The following FSTL5 variants were observed in gnomAD, a reference collection of about 807,000 sequenced individuals.
FSTL5 encodes follistatin like 5.
Under a neutral mutation model 89.1 loss-of-function variants are expected in FSTL5, and 62 were observed. The ratio of observed to expected loss-of-function variants is 0.70; its 90% CI spans 0.57 to 0.86. The LOEUF is 0.86. Ranked by LOEUF, FSTL5 falls within the 40% of genes least tolerant of loss-of-function variation. The pLI is 0.00. For missense variants in FSTL5, 1,057 were observed against 1,001.6 expected (o/e 1.06, Z -0.75); for synonymous variants, 383 against 346.2 (o/e 1.11, Z -1.18).
At chr4:161,431,176 T>C (rs368888566) in intron 15 of FSTL5, among the ~76,000 whole-genome samples, 2 of 152,304 alleles carry the variant, frequency 1.3e-5, no homozygotes, top group African/African-American at 4.8e-5. Flanking sequence ...GTAATTGTCG[T>C]GTATAAACTA....
chr4:161,850,401 T>C (rs1367765742), intron 4 of FSTL5, among the ~76,000 whole-genome samples: 8 of 152,220 alleles, frequency 5.3e-5, no homozygotes, highest in Non-Finnish European at 1.2e-4. Flanking sequence ...GGAGTAGCCA[T>C]TCAGCATGAT....
intron 2 of FSTL5, among the ~76,000 whole-genome samples, chr4:162,101,983 T>C (rs1191969608): frequency 6.6e-6 from 1 of 152,206 alleles, no homozygotes; most frequent in Non-Finnish European, 1.5e-5. Flanking sequence ...TTCCTACATA[T>C]ACATATTTGG....
chr4:161,416,701 CG>C (rs200639168), intron 15 of FSTL5, among the ~76,000 whole-genome samples: 4,136 of 151,802 alleles, frequency 0.027, 184 homozygotes, highest in African/African-American at 0.094. Context: ...AAAAATTAGC[CG>C]GGTGTGGTGG....
intron 3 of FSTL5, among the ~76,000 whole-genome samples, chr4:161,999,754 A>G (rs1043143012): frequency 6.6e-6 from 1 of 152,210 alleles, no homozygotes; most frequent in Non-Finnish European, 1.5e-5. Context: ...GACAACCTAT[A>G]CATTTTATAA....
At chr4:162,078,667 T>G (rs1729966567) in intron 2 of FSTL5, among the ~76,000 whole-genome samples, 1 of 151,804 alleles carries the variant, frequency 6.6e-6, no homozygotes, top group Non-Finnish European at 1.5e-5. Flanking sequence ...TGCTCCCACT[T>G]AAGGATCAAA....
chr4:162,060,518 G>A (rs1245968459), intron 2 of FSTL5, among the ~76,000 whole-genome samples: 1 of 151,768 alleles, frequency 6.6e-6, no homozygotes, highest in East Asian at 1.9e-4. Context: ...ATTTACTTCA[G>A]TTTTCATATG....
chr4:161,966,889 T>C (rs749834), intron 3 of FSTL5, among the ~76,000 whole-genome samples: 13,957 of 152,058 alleles, frequency 0.092, 742 homozygotes, highest in East Asian at 0.21. Flanking sequence ...ATCTATTCCA[T>C]CTTTCTCAAA....
At chr4:162,106,853 C>T (rs912817371) in intron 2 of FSTL5, among the ~76,000 whole-genome samples, 5 of 152,146 alleles carry the variant, frequency 3.3e-5, no homozygotes, top group African/African-American at 4.8e-5. Context: ...ATTGTTAGGA[C>T]ATTTTACTCA....
chr4:161,544,974 G>A lies in FSTL5; in HGVS notation c.1016-2281C>T, dbSNP rs556477283. On this transcript the variant is annotated intron_variant, in intron 8 of 15. Coordinates refer to ENST00000306100, the MANE Select transcript of FSTL5 (RefSeq NM_020116.5). ...TATATAATCATTGATATTAAAATGA[G>A]ATGTCGTAAATACAACATTAGGCAT... is the stretch of plus-strand genomic sequence containing the variant. 9.9e-5 allele frequency among the ~76,000 whole-genome samples: 15 copies of A among 151,992 alleles called. No individual in the cohort carries two copies. In the South Asian group the frequency reaches 2.3e-3, roughly 23 times the overall value.
At chr4:161,864,870 CAAAAA>C (rs10636039) in intron 4 of FSTL5, among the ~76,000 whole-genome samples, 6 of 92,388 alleles carry the variant, frequency 6.5e-5, no homozygotes, top group East Asian at 3.4e-4. Flanking sequence ...GACTTCGTCT[CAAAAA>C]AAAAAAAAAA....
At chr4:162,132,849 A>T (rs1483456895) in intron 1 of FSTL5, among the ~76,000 whole-genome samples, 8 of 152,338 alleles carry the variant, frequency 5.3e-5, no homozygotes, top group South Asian at 2.1e-4. Context: ...AAACTCTCAC[A>T]TGGTATTAGG....
At chr4:161,899,016 TC>T (rs1394652472) in intron 4 of FSTL5, among the ~76,000 whole-genome samples, 1 of 152,132 alleles carries the variant, frequency 6.6e-6, no homozygotes, top group Admixed American at 6.6e-5. Context: ...CAGTTTTCTT[TC>T]GGGAAGATGC....
chr4:161,952,324 G>C (rs984827087), intron 3 of FSTL5, among the ~76,000 whole-genome samples: 10 of 151,972 alleles, frequency 6.6e-5, no homozygotes. Flanking sequence ...TGAAAAGTGA[G>C]AGAGAAGATA....
At chr4:161,707,011 T>A (rs1361652815) in intron 6 of FSTL5, among the ~76,000 whole-genome samples, 1 of 152,004 alleles carries the variant, frequency 6.6e-6, no homozygotes, top group East Asian at 1.9e-4. Flanking sequence ...CCATTACTTT[T>A]ATTCAGACTG....
chr4:162,076,739 G>A lies in FSTL5; in HGVS notation c.126+34532C>T, dbSNP rs551161744. Among the ~76,000 whole-genome samples, 38 of 151,802 alleles carry A rather than the reference G, an allele frequency of 2.5e-4. 1 individual carries two copies. Among genetic ancestry groups the A allele is most frequent in the African/African-American group, 8.9e-4 (37 of 41,450 alleles). ...TAATACAGAAAATTATAAGCTAAGG[G>A]CTTCATATGCTCAGATGAGAGGCCC... On this transcript the variant is annotated intron_variant, in intron 2 of 15. Coordinates refer to ENST00000306100, the MANE Select transcript of FSTL5 (RefSeq NM_020116.5).
At chr4:161,654,615 G>T (rs1488830083) in intron 7 of FSTL5, among the ~76,000 whole-genome samples, 2 of 152,016 alleles carry the variant, frequency 1.3e-5, no homozygotes, top group Admixed American at 6.6e-5. Flanking sequence ...CTATGTTTTT[G>T]ATATATTCTG....
intron 3 of FSTL5, among the ~76,000 whole-genome samples, chr4:162,026,304 C>CTTTTTTTTTTTGTTTTTTTTT (rs1737283573): frequency 1.3e-5 from 1 of 79,474 alleles, no homozygotes; most frequent in African/African-American, 4.9e-5. Context: ...TATGTATTTT[C>CTTTTTTTTTTTGTTTTTTTTT]TTTTTTTTTT....
At chr4:161,744,946 T>C (rs1270380228) in intron 6 of FSTL5, among the ~76,000 whole-genome samples, 1 of 151,982 alleles carries the variant, frequency 6.6e-6, no homozygotes. Context: ...ATTATAAAAT[T>C]AGTTTTAGGG....
At chr4:161,889,324 A>C (rs1183513992) in intron 4 of FSTL5, among the ~76,000 whole-genome samples, 1 of 152,132 alleles carries the variant, frequency 6.6e-6, no homozygotes, top group Non-Finnish European at 1.5e-5. Flanking sequence ...ATGGTAATCC[A>C]TGTTTATCCT....
Sources: gnomAD v4.1 joint callset for allele counts (sites outside exome capture counted in the v4.1 genomes callset) on GRCh38, gnomAD v4.1.1 for gene constraint, MANE v1.5 for transcripts, NCBI Gene and HGNC (gene_info 2026-07-23, HGNC 2026-07-21) for gene names.